The following PACRG variants were observed in gnomAD, a reference collection of about 807,000 sequenced individuals.
PACRG encodes the protein parkin coregulated gene protein.
A neutral mutation model predicts 29.7 loss-of-function variants in PACRG; 29 were observed. The ratio of observed to expected loss-of-function variants is 0.98; its 90% CI spans 0.73 to 1.33. The LOEUF is 1.33. PACRG is among the 40% of genes most tolerant of loss of function. PACRG has a pLI of 0.00. For synonymous variants in PACRG, 116 were observed against 118.7 expected (o/e 0.98, Z 0.15); for missense variants, 279 against 316.2 (o/e 0.88, Z 0.89).
intron 2 of PACRG, among the ~76,000 whole-genome samples, chr6:162,969,782 T>C (rs1443109238): frequency 2.0e-5 from 3 of 152,212 alleles, no homozygotes; most frequent in Non-Finnish European, 4.4e-5. Context: ...TTTTGTAAAG[T>C]TGGCTGAGAC....
intron 2 of PACRG, among the ~76,000 whole-genome samples, chr6:162,940,057 C>A (rs1212443759): frequency 6.6e-6 from 1 of 152,136 alleles, no homozygotes; most frequent in Non-Finnish European, 1.5e-5. Flanking sequence ...TAATAGATTT[C>A]TATACTTTTT....
chr6:163,012,899 T>C (rs1805746518), intron 2 of PACRG, among the ~76,000 whole-genome samples: 1 of 152,198 alleles, frequency 6.6e-6, no homozygotes, highest in Non-Finnish European at 1.5e-5. Flanking sequence ...TCACGGTCTG[T>C]GTAACTCTCT....
At chr6:163,252,407 G>A (rs748171048) in intron 4 of PACRG, among the ~76,000 whole-genome samples, 30 of 152,234 alleles carry the variant, frequency 2.0e-4, no homozygotes, top group African/African-American at 6.3e-4. Context: ...ATCACTGCAC[G>A]GGTGATTCTG....
chr6:163,278,958 C>T (rs948710790), intron 4 of PACRG, among the ~76,000 whole-genome samples: 8 of 152,128 alleles, frequency 5.3e-5, no homozygotes, highest in African/African-American at 1.9e-4. Context: ...TTCTACCCAC[C>T]CATGAGCATG....
At chr6:163,115,601 A>G (rs1267669022) in intron 4 of PACRG, among the ~76,000 whole-genome samples, 1 of 122,298 alleles carries the variant, frequency 8.2e-6, no homozygotes, top group African/African-American at 3.8e-5. Context: ...CCAAACCTGA[A>G]GGATGAAAAC....
At chr6:163,056,599 A>C (rs1194474131) in intron 2 of PACRG, among the ~76,000 whole-genome samples, 1 of 152,168 alleles carries the variant, frequency 6.6e-6, no homozygotes, top group Non-Finnish European at 1.5e-5. Context: ...ACCCCCCAGA[A>C]GCAGGACTTA....
intron 4 of PACRG, among the ~76,000 whole-genome samples, chr6:163,245,989 C>A (rs1295185752): frequency 6.6e-6 from 1 of 152,158 alleles, no homozygotes. Flanking sequence ...CCCCTCAGCG[C>A]CTCCACCTCT....
At chr6:162,841,909 A>G (rs1201172664) in intron 2 of PACRG, among the ~76,000 whole-genome samples, 2 of 151,168 alleles carry the variant, frequency 1.3e-5, no homozygotes, top group African/African-American at 2.4e-5. Flanking sequence ...AGCGGTTTTG[A>G]GTGAGATTCT....
chr6:163,142,685 T>TA (rs1446557775), intron 4 of PACRG, among the ~76,000 whole-genome samples: 1 of 152,186 alleles, frequency 6.6e-6, no homozygotes, highest in Admixed American at 6.5e-5. Flanking sequence ...TTGTCATATT[T>TA]AAAAAATCCT....
At chr6:163,041,883 G>A (rs1323947792) in intron 2 of PACRG, among the ~76,000 whole-genome samples, 1 of 150,490 alleles carries the variant, frequency 6.6e-6, no homozygotes, top group Non-Finnish European at 1.5e-5. Flanking sequence ...TGTTTTGTTT[G>A]AGTTGGAGTT....
At chr6:163,218,734 T>G (rs1361978150) in intron 4 of PACRG, among the ~76,000 whole-genome samples, 1 of 152,220 alleles carries the variant, frequency 6.6e-6, no homozygotes, top group Non-Finnish European at 1.5e-5. Context: ...CCTCATCTCC[T>G]GGGCTGGCTC....
At chr6:162,914,508 G>GT (rs3028611) in intron 2 of PACRG, among the ~76,000 whole-genome samples, 1,080 of 95,082 alleles carry the variant, frequency 0.011, 9 homozygotes, top group Middle Eastern at 0.033. Flanking sequence ...GTACTTTTTT[G>GT]TTTTTTTTTT....
intron 4 of PACRG, among the ~76,000 whole-genome samples, chr6:163,195,515 T>A (rs1472295961): frequency 2.0e-5 from 3 of 152,148 alleles, no homozygotes; most frequent in African/African-American, 7.2e-5. Context: ...GCCCAGTGTT[T>A]TCAATGTGGT....
At chr6:163,181,965 C>T (rs141790042) in intron 4 of PACRG, among the ~76,000 whole-genome samples, 384 of 152,282 alleles carry the variant, frequency 2.5e-3, no homozygotes, top group African/African-American at 8.6e-3. Context: ...CCCTTTTGGA[C>T]GAGATCTGAA....
At chr6:162,991,908 T>C (rs1422436304) in intron 2 of PACRG, among the ~76,000 whole-genome samples, 6 of 119,130 alleles carry the variant, frequency 5.0e-5, no homozygotes, top group African/African-American at 1.3e-4. Flanking sequence ...TTTTGAAATA[T>C]GTCCCATCAA....
chr6:163,273,988 T>C (rs1252824015), intron 4 of PACRG, among the ~76,000 whole-genome samples: 4 of 152,258 alleles, frequency 2.6e-5, no homozygotes, highest in Non-Finnish European at 5.9e-5. Context: ...TCATAACTTC[T>C]GATATGCAGT....
chr6:162,893,975 A>AGAAATGAC (rs1451822320), intron 2 of PACRG, among the ~76,000 whole-genome samples: 1 of 152,238 alleles, frequency 6.6e-6, no homozygotes, highest in Non-Finnish European at 1.5e-5. Flanking sequence ...TGGGACGTAA[A>AGAAATGAC]GAAATGACAG....
rs149569847 is a variant in PACRG, at chr6:163,268,646, A to G, written c.614-46181A>G. ...TTTTTTCCAATTGTTTTATGGTTCTATCAGCTATAACATCATATTTGCTGA... is the reference window on the plus strand; with the variant it reads ...TTTTTTCCAATTGTTTTATGGTTCTGTCAGCTATAACATCATATTTGCTGA... On this transcript the variant is annotated intron_variant, in intron 4 of 4. Coordinates refer to ENST00000366888, the MANE Select transcript of PACRG (RefSeq NM_001080379.2). Among the ~76,000 whole-genome samples, 865 of 152,138 alleles carry G rather than the reference A, an allele frequency of 5.7e-3. 3 individuals carry two copies. The highest frequency in any genetic ancestry group is 9.2e-3 in the Non-Finnish European group (628 of 68,000).
chr6:163,269,193 AG>A (rs1783644759), intron 4 of PACRG, among the ~76,000 whole-genome samples: 1 of 152,208 alleles, frequency 6.6e-6, no homozygotes, highest in African/African-American at 2.4e-5. Flanking sequence ...CCTGGCTGGA[AG>A]GACTCACGTT....
Sources: allele counts gnomAD v4.1 joint callset (sites outside exome capture counted in the v4.1 genomes callset), GRCh38; gene constraint gnomAD v4.1.1; transcripts MANE v1.5; gene names NCBI Gene and HGNC (gene_info 2026-07-23, HGNC 2026-07-21).